The following MAGI1 variants were observed in gnomAD, a reference collection of about 807,000 sequenced individuals.
MAGI1 encodes membrane associated guanylate kinase, WW and PDZ domain containing 1, also known as membrane-associated guanylate kinase, WW and PDZ domain-containing protein 1.
A neutral mutation model predicts 139.9 loss-of-function variants in MAGI1; 58 were observed. The observed-to-expected ratio is 0.41, with a 90% confidence interval of 0.34 to 0.52. The LOEUF is 0.52. MAGI1 is among the 20% of genes least tolerant of loss of function. MAGI1 has a pLI of 0.12. For missense variants in MAGI1, 1,874 were observed against 1,901.6 expected (o/e 0.99, Z 0.27); for synonymous variants, 812 against 737.9 (o/e 1.10, Z -1.63).
At chr3:65,690,236 A>C (rs1037224727) in intron 1 of MAGI1, among the ~76,000 whole-genome samples, 1 of 152,220 alleles carries the variant, frequency 6.6e-6, no homozygotes, top group African/African-American at 2.4e-5. Context: ...TTCCTTGAGA[A>C]TCAAATGAAT....
At chr3:65,592,904 T>C (rs2082031855) in intron 2 of MAGI1, among the ~76,000 whole-genome samples, 1 of 152,122 alleles carries the variant, frequency 6.6e-6, no homozygotes, top group South Asian at 2.1e-4. Context: ...TTATTAGAAG[T>C]AAATTAAGAT....
At chr3:65,756,775 G>A in intron 1 of MAGI1, among the ~76,000 whole-genome samples, 1 of 152,122 alleles carries the variant, frequency 6.6e-6, no homozygotes, top group Non-Finnish European at 1.5e-5. Flanking sequence ...AGTGTTCAGA[G>A]AATAGAGTTA....
intron 1 of MAGI1, among the ~76,000 whole-genome samples, chr3:65,667,092 G>T (rs1027594567): frequency 3.9e-5 from 6 of 152,182 alleles, no homozygotes; most frequent in Non-Finnish European, 8.8e-5. Context: ...TGCCCGGAAT[G>T]AGAACAGAGG....
chr3:65,369,477 G>A (rs903949256), intron 18 of MAGI1, among the ~76,000 whole-genome samples: 5 of 151,962 alleles, frequency 3.3e-5, no homozygotes, highest in Non-Finnish European at 7.4e-5. Flanking sequence ...GGGCCTGCTG[G>A]GGTTTCGAGA....
chr3:65,588,372 G>A (rs1187144137), intron 2 of MAGI1, among the ~76,000 whole-genome samples: 1 of 152,082 alleles, frequency 6.6e-6, no homozygotes, highest in Non-Finnish European at 1.5e-5. Context: ...TCTGGTAGGG[G>A]TGTATTAATA....
chr3:65,684,167 C>CAA (rs1163089641), intron 1 of MAGI1, among the ~76,000 whole-genome samples: 16 of 79,378 alleles, frequency 2.0e-4, no homozygotes, highest in South Asian at 5.5e-4. Context: ...GAGACTGTCT[C>CAA]AAAAAAAAAA....
At chr3:65,912,236 CAAA>C (rs35498262) in intron 1 of MAGI1, among the ~76,000 whole-genome samples, 4 of 130,970 alleles carry the variant, frequency 3.1e-5, no homozygotes, top group Non-Finnish European at 4.9e-5. Context: ...ACTCTGATCT[CAAA>C]AAAAAAAAAA....
At chr3:65,516,851 C>T (rs1044940770) in intron 2 of MAGI1, among the ~76,000 whole-genome samples, 1 of 148,602 alleles carries the variant, frequency 6.7e-6, no homozygotes, top group Non-Finnish European at 1.5e-5. Context: ...CCTCAGCCTC[C>T]CGAGTAGCTG....
chr3:65,401,818 T>G (rs1164699417), intron 12 of MAGI1: 2 of 1,300,248 alleles, frequency 1.5e-6, no homozygotes, highest in Non-Finnish European at 2.0e-6. Context: ...TAACTTACAA[T>G]TAAGTCCAGG....
chr3:65,974,010 T>C (rs1423313051), intron 1 of MAGI1, among the ~76,000 whole-genome samples: 1 of 152,086 alleles, frequency 6.6e-6, no homozygotes, highest in African/African-American at 2.4e-5. Flanking sequence ...TCAAATATGG[T>C]TTAAATGGAT....
chr3:65,423,027 A>G (rs937979164), intron 12 of MAGI1, among the ~76,000 whole-genome samples: 1 of 152,204 alleles, frequency 6.6e-6, no homozygotes, highest in Non-Finnish European at 1.5e-5. Flanking sequence ...CAGGTGCCCT[A>G]CAATGGGTGG....
At chr3:65,825,193 G>C (rs2042157923) in intron 1 of MAGI1, among the ~76,000 whole-genome samples, 1 of 152,168 alleles carries the variant, frequency 6.6e-6, no homozygotes, top group Admixed American at 6.5e-5. Flanking sequence ...AAAGAAGAGA[G>C]CTTATAGCTT....
At chr3:65,803,932 C>G (rs996021081) in intron 1 of MAGI1, among the ~76,000 whole-genome samples, 6 of 152,156 alleles carry the variant, frequency 3.9e-5, no homozygotes, top group Non-Finnish European at 8.8e-5. Context: ...AACAATAACA[C>G]GAGTGCTTCA....
chr3:65,884,509 AC>A, intron 1 of MAGI1, among the ~76,000 whole-genome samples: 2 of 152,262 alleles, frequency 1.3e-5, no homozygotes, highest in African/African-American at 4.8e-5. Context: ...TACATTTAAG[AC>A]AACTTGAATC....
intron 1 of MAGI1, among the ~76,000 whole-genome samples, chr3:65,843,098 C>T (rs137915747): frequency 1.3e-5 from 2 of 152,316 alleles, no homozygotes; most frequent in Admixed American, 1.3e-4. Context: ...GTAGTACTGG[C>T]TTATTGACTC....
At chr3:65,632,604 C>T (rs2084375852) in intron 1 of MAGI1, among the ~76,000 whole-genome samples, 1 of 152,302 alleles carries the variant, frequency 6.6e-6, no homozygotes, top group Non-Finnish European at 1.5e-5. Context: ...GGTCAGGGGT[C>T]AGCAAAATAT....
intron 1 of MAGI1, among the ~76,000 whole-genome samples, chr3:65,800,654 G>A (rs28559991): frequency 4.0e-4 from 60 of 151,824 alleles, no homozygotes; most frequent in African/African-American, 1.3e-3. Context: ...AAAAACTGAT[G>A]TAAGAAATTG....
At chr3:65,366,675 G>A (rs772552088) in intron 18 of MAGI1, among the ~76,000 whole-genome samples, 6 of 152,032 alleles carry the variant, frequency 3.9e-5, no homozygotes, top group African/African-American at 9.7e-5. Context: ...CAGTTTTCTC[G>A]TGTGCACATT....
At chr3:65,795,358 T>C (rs1039651961) in intron 1 of MAGI1, among the ~76,000 whole-genome samples, 2 of 152,188 alleles carry the variant, frequency 1.3e-5, no homozygotes, top group African/African-American at 4.8e-5. Flanking sequence ...CAGCAATTTT[T>C]AAAAATGAAC....
Sources: gnomAD v4.1 joint callset for allele counts (sites outside exome capture counted in the v4.1 genomes callset) on GRCh38, gnomAD v4.1.1 for gene constraint, MANE v1.5 for transcripts, NCBI Gene and HGNC (gene_info 2026-07-23, HGNC 2026-07-21) for gene names.